CLIC4: variants seen among roughly 807,000 people sequenced by gnomAD.
The protein encoded by CLIC4 is CLIC family member 4.
A neutral mutation model predicts 24.6 loss-of-function variants in CLIC4; 13 were observed. The observed-to-expected ratio is 0.53, with a 90% CI of 0.34 to 0.84. The LOEUF is 0.84. Ranked by LOEUF, CLIC4 falls within the 40% of genes least tolerant of loss-of-function variation. The pLI is 0.01. For synonymous variants in CLIC4, 104 were observed against 111.3 expected (o/e 0.93, Z 0.41); for missense variants, 227 against 301.7 (o/e 0.75, Z 1.83).
rs1029498572 is a variant in CLIC4, at chr1:24,781,971, G to C, written c.73-15771G>C. 5.3e-5 allele frequency among the ~76,000 whole-genome samples: 8 copies of C among 152,098 alleles called. No individual in the cohort carries two copies. In the South Asian group the frequency reaches 1.7e-3, roughly 32 times the overall value. ...GGCCTTGTAGGACCTAATTTTTAAA[G>C]ACTATTGTACGCTTTATGGTTTTTA... On this transcript the variant is annotated intron_variant, in intron 1 of 5. Transcript: ENST00000374379.
chr1:24,767,997 C>G (rs1349943256), intron 1 of CLIC4, among the ~76,000 whole-genome samples: 1 of 151,912 alleles, frequency 6.6e-6, no homozygotes, highest in African/African-American at 2.4e-5. Flanking sequence ...CTTGCCACCA[C>G]GCTTGGCTAA....
At chr1:24,785,877 GAAAAGAAA>G (rs1639261769) in intron 1 of CLIC4, among the ~76,000 whole-genome samples, 6 of 115,504 alleles carry the variant, frequency 5.2e-5, no homozygotes, top group South Asian at 2.8e-4. Context: ...AAAAAAAAAA[GAAAAGAAA>G]AAAAGAAAAA....
At chr1:24,752,929 G>T (rs986896454) in intron 1 of CLIC4, among the ~76,000 whole-genome samples, 1 of 152,120 alleles carries the variant, frequency 6.6e-6, no homozygotes, top group African/African-American at 2.4e-5. Context: ...CACCGTGTTG[G>T]TCAGGATGGT....
At chr1:24,837,872 A>G (rs958409500) in intron 4 of CLIC4, among the ~76,000 whole-genome samples, 1 of 152,098 alleles carries the variant, frequency 6.6e-6, no homozygotes, top group African/African-American at 2.4e-5. Context: ...CCTCCTACCT[A>G]TCCTTTAAAT....
intron 2 of CLIC4, among the ~76,000 whole-genome samples, chr1:24,800,364 C>T (rs1236599402): frequency 1.4e-5 from 2 of 140,782 alleles, no homozygotes; most frequent in East Asian, 2.2e-4. Flanking sequence ...GCCCCCCACC[C>T]GGCCAGCCGC....
chr1:24,768,762 A>G (rs1434865252), intron 1 of CLIC4, among the ~76,000 whole-genome samples: 1 of 152,024 alleles, frequency 6.6e-6, no homozygotes, highest in African/African-American at 2.4e-5. Flanking sequence ...ATTAGGAGGC[A>G]TGGTGGCATG....
intron 4 of CLIC4, 81 bp downstream of exon 4, chr1:24,827,197 AT>A (rs1639795584): frequency 1.1e-6 from 1 of 893,640 alleles, no homozygotes; most frequent in Non-Finnish European, 1.8e-6. Flanking sequence ...GTGATTATAA[AT>A]GAGTACTTTA....
At chr1:24,836,635 C>G (rs1307663385) in intron 4 of CLIC4, among the ~76,000 whole-genome samples, 2 of 152,154 alleles carry the variant, frequency 1.3e-5, no homozygotes, top group Admixed American at 6.5e-5. Context: ...CTCAGTAGTT[C>G]AAGACCAACT....
intron 1 of CLIC4, among the ~76,000 whole-genome samples, chr1:24,765,815 C>CTTTCT (rs1553189601): frequency 2.2e-5 from 3 of 135,384 alleles, no homozygotes; most frequent in African/African-American, 5.5e-5. Context: ...TTCTTTCTTT[C>CTTTCT]TTTTTTTTTT....
chr1:24,790,938 G>T (rs1174182820), intron 1 of CLIC4, among the ~76,000 whole-genome samples: 1 of 152,204 alleles, frequency 6.6e-6, no homozygotes, highest in African/African-American at 2.4e-5. Flanking sequence ...GGAGGCCAAG[G>T]TGGGAGGATA....
intron 4 of CLIC4, among the ~76,000 whole-genome samples, chr1:24,830,865 G>T (rs1639833243): frequency 6.6e-6 from 1 of 152,068 alleles, no homozygotes; most frequent in East Asian, 1.9e-4. Flanking sequence ...CTTTGTGATG[G>T]CTTGCTACTG....
chr1:24,811,776 A>C (rs1420535415), intron 2 of CLIC4, among the ~76,000 whole-genome samples: 1 of 151,676 alleles, frequency 6.6e-6, no homozygotes, highest in Non-Finnish European at 1.5e-5. Context: ...CACTGCACCC[A>C]GCCTGCCCCA....
chr1:24,803,664 A>G (rs1158573828), intron 2 of CLIC4, among the ~76,000 whole-genome samples: 3 of 152,242 alleles, frequency 2.0e-5, no homozygotes, highest in Non-Finnish European at 2.9e-5. Context: ...TTCAATTTAC[A>G]TCAACGATTT....
intron 5 of CLIC4, 24 bp downstream of exon 5, chr1:24,840,065 G>A (rs199957869): frequency 6.2e-6 from 10 of 1,601,308 alleles, no homozygotes; most frequent in African/African-American, 1.3e-5. Flanking sequence ...GGTTGATGTC[G>A]CATTGCCATT....
chr1:24,755,295 T>TAAATCTACTAAAAATACAAAAATAC (rs1208706338), intron 1 of CLIC4, among the ~76,000 whole-genome samples: 154 of 150,688 alleles, frequency 1.0e-3, no homozygotes, highest in Middle Eastern at 3.4e-3. Flanking sequence ...AAAAATTAGC[T>TAAATCTACTAAAAATACAAAAATAC]AGGCATGATG....
chr1:24,819,375 A>G lies in CLIC4; in HGVS notation c.308+5156A>G, dbSNP rs1283690164. Among the ~76,000 whole-genome samples, 5 of 152,182 alleles carry G rather than the reference A, an allele frequency of 3.3e-5. No homozygotes were observed. In the East Asian group the frequency reaches 9.6e-4, roughly 29 times the overall value. On this transcript the variant is annotated intron_variant, in intron 3 of 5. Coordinates refer to ENST00000374379, the MANE Select transcript of CLIC4 (RefSeq NM_013943.3). ...AAAGCTAGGATATTTGTGAATATAA[A>G]TTGAAGCTTTATACGTCTCAGTAGG...
intron 1 of CLIC4, among the ~76,000 whole-genome samples, chr1:24,767,146 G>C (rs35494633): frequency 0.28 from 42,469 of 151,856 alleles, 7,197 homozygotes; most frequent in Non-Finnish European, 0.37. Flanking sequence ...GCCACATGTG[G>C]CCCACGGACC....
intron 2 of CLIC4, among the ~76,000 whole-genome samples, chr1:24,806,058 C>T (rs779663020): frequency 6.6e-6 from 1 of 152,152 alleles, no homozygotes; most frequent in Non-Finnish European, 1.5e-5. Context: ...GCACTTTGCT[C>T]TTGATGTCAC....
chr1:24,810,026 A>G (rs1391225573), intron 2 of CLIC4, among the ~76,000 whole-genome samples: 1 of 152,246 alleles, frequency 6.6e-6, no homozygotes, highest in East Asian at 1.9e-4. Context: ...AGATCTTGCC[A>G]CATTTGCTTT....
Sources: allele counts gnomAD v4.1 joint callset (sites outside exome capture counted in the v4.1 genomes callset), GRCh38; gene constraint gnomAD v4.1.1; transcripts MANE v1.5; gene names NCBI Gene and HGNC (gene_info 2026-07-23, HGNC 2026-07-21).